LDHC: variants seen among roughly 807,000 people sequenced by gnomAD.
LDHC encodes L-lactate dehydrogenase C chain.
In LDHC, 20 loss-of-function variants were observed where a neutral mutation model predicts 30.2. The observed-to-expected ratio is 0.66, with a 90% confidence interval of 0.47 to 0.96. LDHC has a LOEUF of 0.96. Among genes scored for constraint, LDHC ranks in the 40% least tolerant of loss-of-function variants. LDHC has a pLI of 0.00. For synonymous variants in LDHC, 139 were observed against 132.7 expected (o/e 1.05, Z -0.32); for missense variants, 362 against 394.9 (o/e 0.92, Z 0.71).
intron 3 of LDHC, among the ~76,000 whole-genome samples, chr11:18,426,611 T>C (rs1434683326): frequency 1.3e-5 from 2 of 151,922 alleles, no homozygotes; most frequent in East Asian, 3.9e-4. Context: ...AATATTATGG[T>C]GCTTATGATT....
In LDHC at chr11:18,434,845, G is replaced by T; in HGVS notation, c.524G>T (p.Gly175Val). Reference protein sequence around the residue: ...LDSARFRYLIGEKLGVHPTSC... With the variant: ...LDSARFRYLIVEKLGVHPTSC... ...TCTGCCCGTTTCCGTTACCTAATTG[G>T]AGAAAAGTTGGGTGTCCACCCCACA... Residue 175 changes from glycine to valine, a missense_variant, in exon 5 of 8, where the codon GGA becomes GTA. Coordinates refer to ENST00000541669, the MANE Select transcript of LDHC (RefSeq NM_017448.5). 6.2e-7 allele frequency: 1 copy of T among 1,613,190 alleles called. No homozygotes were observed. The highest frequency in any genetic ancestry group is 8.5e-7 in the Non-Finnish European group (1 of 1,179,178).
intron 2 of LDHC, among the ~76,000 whole-genome samples, chr11:18,413,101 T>A (rs1229973005): frequency 1.3e-5 from 2 of 151,874 alleles, no homozygotes; most frequent in East Asian, 3.9e-4. Context: ...TTTCTTTTTT[T>A]GAGACAGGAT....
At position 18,415,532 on chromosome 11, in the gene LDHC, A is replaced by G. The variant is rs951869922; in HGVS notation, c.244+231A>G. On this transcript the variant is annotated intron_variant, in intron 3 of 7. Coordinates refer to ENST00000541669, the MANE Select transcript of LDHC (RefSeq NM_017448.5). Reference sequence around the variant, plus strand: ...CTGCAACCTCCACCTCCCAGCTTCAAGTGATTCTCCTGCCTCGGTCTCCTG... The same window carrying G: ...CTGCAACCTCCACCTCCCAGCTTCAGGTGATTCTCCTGCCTCGGTCTCCTG... 2.6e-5 allele frequency among the ~76,000 whole-genome samples: 4 copies of G among 152,066 alleles called. No homozygotes were observed. The highest frequency in any genetic ancestry group is 9.7e-5 in the African/African-American group (4 of 41,406).
chr11:18,431,074 T>G (rs1685816461), intron 4 of LDHC, among the ~76,000 whole-genome samples: 1 of 151,736 alleles, frequency 6.6e-6, no homozygotes, highest in Non-Finnish European at 1.5e-5. Flanking sequence ...GAGCTGTGGT[T>G]GTGCCACTGC....
chr11:18,437,593 A>G (rs1485991181), intron 5 of LDHC, among the ~76,000 whole-genome samples: 2 of 152,132 alleles, frequency 1.3e-5, no homozygotes, highest in African/African-American at 4.8e-5. Flanking sequence ...TCTACTAAAA[A>G]TACAAAAAAT....
intron 7 of LDHC, among the ~76,000 whole-genome samples, chr11:18,447,134 A>ATT (rs1316943953): frequency 8.6e-5 from 12 of 138,862 alleles, no homozygotes; most frequent in African/African-American, 7.9e-5. Context: ...TGACTTCTCT[A>ATT]TTTTTTTTTT....
At position 18,451,969 on chromosome 11, in the gene LDHC, CAA is replaced by C. The variant is rs1491058340; in HGVS notation, c.*843_*844del. The C allele has an allele frequency of 7.9e-5, 12 of 151,870 alleles. No individual in the cohort carries two copies. The allele number at this position is 151,870 out of a possible 1,614,324, so 9.4% of individuals were successfully genotyped here. ...GAAGAACACAGAAGAAAAGCAGAAA[CAA>C]GAAGAAGATACAGATGTAACTTTAC... On this transcript the variant is annotated 3_prime_UTR_variant, in exon 8 of 8. Transcript: ENST00000541669.
chr11:18,414,390 G>T (rs1866965964), intron 2 of LDHC, among the ~76,000 whole-genome samples: 3 of 152,130 alleles, frequency 2.0e-5, no homozygotes, highest in African/African-American at 7.2e-5. Context: ...ATGGAAAAGA[G>T]AAATTCTATT....
chr11:18,414,715 CTACTCGGGA>C (rs1866974412), intron 2 of LDHC, among the ~76,000 whole-genome samples: 1 of 152,106 alleles, frequency 6.6e-6, no homozygotes. Context: ...GTAATCCCAG[CTACTCGGGA>C]GGCTGAAGCA....
intron 3 of LDHC, among the ~76,000 whole-genome samples, chr11:18,419,502 A>T (rs781364893): frequency 6.6e-6 from 1 of 152,216 alleles, no homozygotes. Flanking sequence ...TTAAGCAATC[A>T]GATGGTAGCT....
chr11:18,449,538 C>G (rs1848619025), intron 7 of LDHC, among the ~76,000 whole-genome samples: 1 of 147,104 alleles, frequency 6.8e-6, no homozygotes, highest in South Asian at 2.2e-4. Context: ...GGTTGACAGT[C>G]TGAAAAGACA....
At position 18,432,506 on chromosome 11, in the gene LDHC, C is replaced by G. The variant is rs553987654; in HGVS notation, c.419-2234C>G. Among the ~76,000 whole-genome samples the G allele has an allele frequency of 4.6e-5, 7 of 152,240 alleles. 1 individual carries two copies. The South Asian group carries it at 1.4e-3, about 32-fold the overall frequency. On this transcript the variant is annotated intron_variant, in intron 4 of 7. Coordinates refer to ENST00000541669, the MANE Select transcript of LDHC (RefSeq NM_017448.5). Reference sequence around the variant, plus strand: ...TGTTCCAAGGTATAGTTTAAATTCACTGTTTCTTTGTTGACTTTCTGTCTT... The same window carrying G: ...TGTTCCAAGGTATAGTTTAAATTCAGTGTTTCTTTGTTGACTTTCTGTCTT...
intron 3 of LDHC, among the ~76,000 whole-genome samples, chr11:18,418,717 G>A (rs558790890): frequency 2.0e-5 from 3 of 152,032 alleles, no homozygotes; most frequent in Non-Finnish European, 2.9e-5. Flanking sequence ...GTGAGCCACC[G>A]CACCTGGCCA....
intron 6 of LDHC, among the ~76,000 whole-genome samples, chr11:18,441,622 A>T (rs369227916): frequency 6.8e-6 from 1 of 147,594 alleles, no homozygotes. Flanking sequence ...AGATATTTCA[A>T]TGCGGCTGGG....
In LDHC at chr11:18,451,378, A is replaced by G. The variant is rs566855550; in HGVS notation, c.*251A>G. On this transcript the variant is annotated 3_prime_UTR_variant, in exon 8 of 8. Coordinates refer to ENST00000541669, the MANE Select transcript of LDHC (RefSeq NM_017448.5). ...AAGTTATACTTCTGAGGTATGTCAC[A>G]TATGTTAGAGTGCCTTCAGATGTAG... The G allele has an allele frequency of 5.6e-5, 14 of 251,042 alleles. No individual in the cohort carries two copies. The Admixed American group carries it at 6.8e-4, about 12-fold the overall frequency. The allele number at this position is 251,042 out of a possible 1,614,324, so 15.6% of individuals were successfully genotyped here.
At position 18,434,708 on chromosome 11, in the gene LDHC, A is replaced by C; in HGVS notation, c.419-32A>C. 2.1e-6 allele frequency: 3 copies of C among 1,432,494 alleles called. No individual in the cohort carries two copies. In the African/African-American group the frequency reaches 4.3e-5, roughly 20 times the overall value. 88.7% of individuals were successfully genotyped at this position (1,432,494 alleles called of 1,614,324 possible). A position where few individuals can be genotyped will look rare whatever the true frequency, so the allele number is the denominator to read the frequency against. On this transcript the variant is annotated intron_variant, in intron 4 of 7. Coordinates refer to ENST00000541669, the MANE Select transcript of LDHC (RefSeq NM_017448.5). ...AAAAAATTTTTTTAAGTTATGATGA[A>C]TCTTTTTCTAACACAAAATTTTTCT...
chr11:18,424,159 G>A (rs981359716), intron 3 of LDHC, among the ~76,000 whole-genome samples: 4 of 152,150 alleles, frequency 2.6e-5, no homozygotes, highest in East Asian at 1.9e-4. Context: ...TGAGGTGGGC[G>A]GATCACGAGG....
At chr11:18,442,379 C>T (rs1047900464) in intron 6 of LDHC, among the ~76,000 whole-genome samples, 17 of 152,144 alleles carry the variant, frequency 1.1e-4, no homozygotes. Flanking sequence ...CCCTTGGTAC[C>T]TTTCCATGAC....
intron 6 of LDHC, among the ~76,000 whole-genome samples, chr11:18,445,751 G>A (rs148179582): frequency 0.013 from 2,024 of 152,174 alleles, 50 homozygotes; most frequent in African/African-American, 0.046. Flanking sequence ...CGAGCAGATC[G>A]CTTGAGCTCA....
Sources: gnomAD v4.1 joint callset for allele counts (sites outside exome capture counted in the v4.1 genomes callset) on GRCh38, gnomAD v4.1.1 for gene constraint, MANE v1.5 for transcripts, NCBI Gene and HGNC (gene_info 2026-07-23, HGNC 2026-07-21) for gene names.